Variants in ZNF892 observed in about 807,000 individuals in gnomAD.
ZNF892 encodes zinc finger protein 892, also known as zinc finger protein 570-like.
At chr2:95,210,212 T>C in the ZNF892 span, among the ~76,000 whole-genome samples, 2 of 147,172 alleles carry the variant, frequency 1.4e-5, no homozygotes, top group African/African-American at 4.9e-5. Flanking sequence ...TATATATGTG[T>C]ATATATGTAT....
chr2:95,206,613 T>A, the ZNF892 span, among the ~76,000 whole-genome samples: 1 of 152,228 alleles, frequency 6.6e-6, no homozygotes, highest in African/African-American at 2.4e-5. Context: ...AATCTTTCAT[T>A]ATAATTAGAT....
the ZNF892 span, among the ~76,000 whole-genome samples, chr2:95,243,435 A>G: frequency 2.1e-5 from 3 of 145,912 alleles, no homozygotes; most frequent in African/African-American, 7.7e-5. Flanking sequence ...CATCCCATCT[A>G]GGAAGTGAGG....
chr2:95,241,379 A>G, the ZNF892 span, among the ~76,000 whole-genome samples: 3 of 152,234 alleles, frequency 2.0e-5, no homozygotes, highest in Non-Finnish European at 2.9e-5. Flanking sequence ...AGTGGACCCC[A>G]GCAAACCGCA....
chr2:95,228,103 GA>G, the ZNF892 span, among the ~76,000 whole-genome samples: 1 of 152,170 alleles, frequency 6.6e-6, no homozygotes, highest in Non-Finnish European at 1.5e-5. Flanking sequence ...CTTCAGTCTG[GA>G]ATGGTCTTTC....
chr2:95,235,592 A>G, the ZNF892 span, among the ~76,000 whole-genome samples: 2 of 151,954 alleles, frequency 1.3e-5, no homozygotes, highest in Non-Finnish European at 2.9e-5. Context: ...TGATCTCCTG[A>G]CCTTGTGATC....
the ZNF892 span, among the ~76,000 whole-genome samples, chr2:95,256,673 A>G: frequency 1.3e-5 from 2 of 152,228 alleles, no homozygotes; most frequent in Non-Finnish European, 2.9e-5. Flanking sequence ...GTGTTTTCCA[A>G]CTTGGTTCCA....
the ZNF892 span, among the ~76,000 whole-genome samples, chr2:95,243,898 A>G: frequency 1.3e-5 from 2 of 152,328 alleles, no homozygotes; most frequent in Non-Finnish European, 2.9e-5. Context: ...TGTGGAATAG[A>G]AAGGGGGGAA....
At chr2:95,207,953 C>G in the ZNF892 span, 2 of 397,464 alleles carry the variant, frequency 5.0e-6, no homozygotes, top group Non-Finnish European at 4.4e-6. Flanking sequence ...TTCCTACTAG[C>G]CGGTCTCACT....
chr2:95,207,898 C>T, the ZNF892 span: 4 of 398,498 alleles, frequency 1.0e-5, no homozygotes, highest in Non-Finnish European at 1.8e-5. Context: ...AGAAAGGCTA[C>T]CTCTGGCTGG....
the ZNF892 span, among the ~76,000 whole-genome samples, chr2:95,221,922 C>T: frequency 3.3e-5 from 5 of 152,082 alleles, no homozygotes; most frequent in Non-Finnish European, 7.4e-5. Context: ...TCTTCTCCTC[C>T]TCCCTCCCTC....
chr2:95,261,700 T>G, the ZNF892 span, among the ~76,000 whole-genome samples: 960 of 152,324 alleles, frequency 6.3e-3, 13 homozygotes, highest in African/African-American at 0.022. Context: ...TACAGAATCC[T>G]CTACTGTGCT....
the ZNF892 span, among the ~76,000 whole-genome samples, chr2:95,239,756 T>C: frequency 4.6e-5 from 7 of 152,162 alleles, no homozygotes; most frequent in Non-Finnish European, 7.4e-5. Context: ...GCCTCCCTAG[T>C]AGCTGGGATT....
chr2:95,243,501 C>T, the ZNF892 span, among the ~76,000 whole-genome samples: 15 of 151,680 alleles, frequency 9.9e-5, no homozygotes, highest in South Asian at 8.3e-4. Flanking sequence ...TCTGCCCTGC[C>T]GCCCCGTCCG....
chr2:95,226,838 TCTCAATC>T, the ZNF892 span, among the ~76,000 whole-genome samples: 1 of 152,034 alleles, frequency 6.6e-6, no homozygotes, highest in Admixed American at 6.6e-5. Flanking sequence ...TCACTAAGGG[TCTCAATC>T]CACTGTGGTG....
the ZNF892 span, among the ~76,000 whole-genome samples, chr2:95,258,344 C>T: frequency 9.8e-5 from 15 of 152,292 alleles, no homozygotes; most frequent in African/African-American, 3.6e-4. Context: ...GTCCCCACTG[C>T]CTGGAGTTGG....
At chr2:95,256,812 TTTCA>T in the ZNF892 span, among the ~76,000 whole-genome samples, 1 of 152,230 alleles carries the variant, frequency 6.6e-6, no homozygotes, top group African/African-American at 2.4e-5. Context: ...TCTCGCTTCA[TTTCA>T]TTCATTTTAT....
chr2:95,222,892 T>A, the ZNF892 span, among the ~76,000 whole-genome samples: 1 of 152,226 alleles, frequency 6.6e-6, no homozygotes, highest in Non-Finnish European at 1.5e-5. Flanking sequence ...GTTTTTCACT[T>A]ACATCCATTT....
At chr2:95,258,988 G>A in the ZNF892 span, 1 of 152,234 alleles carries the variant, frequency 6.6e-6, no homozygotes, top group African/African-American at 2.4e-5. Context: ...TGTGTATCAG[G>A]TTAGACAAGG....
chr2:95,215,210 C>T, the ZNF892 span: 8 of 453,848 alleles, frequency 1.8e-5, no homozygotes, highest in African/African-American at 8.1e-5. Flanking sequence ...ATGAGTGTAA[C>T]GAATGTGGGA....
Sources: allele counts gnomAD v4.1 joint callset (sites outside exome capture counted in the v4.1 genomes callset), GRCh38; gene constraint gnomAD v4.1.1; transcripts MANE v1.5; gene names NCBI Gene and HGNC (gene_info 2026-07-23, HGNC 2026-07-21).